The following PCDH15 variants were observed in gnomAD, a reference collection of about 807,000 sequenced individuals.
PCDH15 encodes the protein protocadherin-15.
PCDH15 carries 129 observed loss-of-function variants against 178.5 expected under a neutral mutation model. That is an observed-to-expected ratio of 0.72 (90% CI 0.63 to 0.84). The LOEUF is 0.84. Among genes scored for constraint, PCDH15 ranks in the 40% least tolerant of loss-of-function variants. The pLI is 0.00. For missense variants in PCDH15, 2,230 were observed against 2,099.9 expected (o/e 1.06, Z -1.21); for synonymous variants, 800 against 732.0 (o/e 1.09, Z -1.50).
intron 25 of PCDH15, among the ~76,000 whole-genome samples, chr10:53,931,718 A>T (rs973988008): frequency 6.6e-6 from 1 of 152,166 alleles, no homozygotes. Flanking sequence ...TTTTAAAAAA[A>T]TTGTTAATAG....
rs567898616 is a variant in PCDH15 at position 53,998,220 on chromosome 10, T to C, written c.2752-2455A>G. Among the ~76,000 whole-genome samples, 91 of 152,260 alleles carry C rather than the reference T, an allele frequency of 6.0e-4. 2 individuals carry two copies. In the South Asian group the frequency reaches 0.017, roughly 29 times the overall value. On this transcript the variant is annotated intron_variant, in intron 20 of 37. Transcript: ENST00000644397. The stretch of plus-strand genomic sequence containing the variant: ...TTAAGAATTGTATCACTAAAACCCA[T>C]AATATTTGTTTCTTTTGGTAAAAAT...
intron 13 of PCDH15, among the ~76,000 whole-genome samples, chr10:54,166,136 G>A (rs569132991): frequency 1.3e-5 from 2 of 152,078 alleles, no homozygotes; most frequent in Non-Finnish European, 2.9e-5. Context: ...CTATGCCTTT[G>A]GCCGTATCAT....
At chr10:54,585,299 T>C (rs979267899) in intron 2 of PCDH15, among the ~76,000 whole-genome samples, 2 of 152,188 alleles carry the variant, frequency 1.3e-5, no homozygotes, top group Admixed American at 6.6e-5. Context: ...AGCAATTTCC[T>C]ATGAATTACC....
chr10:54,711,123 G>T (rs1016292413), intron 1 of PCDH15, among the ~76,000 whole-genome samples: 15 of 151,984 alleles, frequency 9.9e-5, no homozygotes, highest in African/African-American at 3.6e-4. Context: ...GTAAGAGGCT[G>T]CTTGCTGTCA....
chr10:53,825,008 T>TTTTAACAGTAA (rs2076582307), intron 32 of PCDH15: 28 of 1,205,358 alleles, frequency 2.3e-5, no homozygotes, highest in Non-Finnish European at 2.9e-5. Flanking sequence ...AAAACTTTCC[T>TTTTAACAGTAA]TTTAACAGTA....
rs576891407 is a variant in PCDH15, at chr10:53,852,633, C to A, written c.3806+4542G>T. Among the ~76,000 whole-genome samples, 3 of 152,156 alleles carry A rather than the reference C, an allele frequency of 2.0e-5. No homozygotes were observed. The South Asian group carries it at 6.2e-4, about 32-fold the overall frequency. On this transcript the variant is annotated intron_variant, in intron 28 of 37. Coordinates refer to ENST00000644397, the MANE Select transcript of PCDH15 (RefSeq NM_001384140.1). Reference sequence around the variant, plus strand: ...CAAAGTGTACTGATCTTTGTAAAATCTGCTCCATTGTAAAATGGATATGTC... The same window carrying A: ...CAAAGTGTACTGATCTTTGTAAAATATGCTCCATTGTAAAATGGATATGTC...
At chr10:55,390,668 T>C (rs1837771460) in intron 2 of PCDH15, among the ~76,000 whole-genome samples, 2 of 152,188 alleles carry the variant, frequency 1.3e-5, no homozygotes, top group Non-Finnish European at 2.9e-5. Context: ...TCTAAAATAA[T>C]GAGACTTAAA....
At chr10:54,515,669 G>A (rs1280364524) in intron 3 of PCDH15, among the ~76,000 whole-genome samples, 1 of 152,216 alleles carries the variant, frequency 6.6e-6, no homozygotes, top group Non-Finnish European at 1.5e-5. Flanking sequence ...TCTGAGAATG[G>A]GCAGACTGCC....
intron 3 of PCDH15, among the ~76,000 whole-genome samples, chr10:54,454,469 TAATTAA>T (rs1404196662): frequency 6.7e-6 from 1 of 149,098 alleles, no homozygotes; most frequent in African/African-American, 2.4e-5. Context: ...TTTTAATTAA[TAATTAA>T]AATTATTAAT....
At chr10:54,496,966 C>T (rs1045000997) in intron 3 of PCDH15, among the ~76,000 whole-genome samples, 2 of 152,074 alleles carry the variant, frequency 1.3e-5, no homozygotes, top group East Asian at 1.9e-4. Context: ...TATTAACCCA[C>T]GCCTCACTGC....
At chr10:55,375,361 G>A (rs1837368907) in intron 2 of PCDH15, among the ~76,000 whole-genome samples, 2 of 151,990 alleles carry the variant, frequency 1.3e-5, no homozygotes, top group South Asian at 4.2e-4. Flanking sequence ...ATTAGTGAAG[G>A]CTGGAATATG....
chr10:54,996,878 A>G (rs1839658675), intron 2 of PCDH15, among the ~76,000 whole-genome samples: 1 of 152,186 alleles, frequency 6.6e-6, no homozygotes, highest in Admixed American at 6.5e-5. Flanking sequence ...TGGGAGCCCA[A>G]GGTAGGTGGA....
chr10:54,843,163 T>A (rs918512915), intron 3 of PCDH15, among the ~76,000 whole-genome samples: 1 of 151,916 alleles, frequency 6.6e-6, no homozygotes, highest in African/African-American at 2.4e-5. Flanking sequence ...AGCATTCTTT[T>A]CATTGTTGTT....
intron 1 of PCDH15, among the ~76,000 whole-genome samples, chr10:54,764,858 G>A (rs1231403008): frequency 6.6e-6 from 1 of 152,070 alleles, no homozygotes; most frequent in Non-Finnish European, 1.5e-5. Flanking sequence ...TGCCCTCAAA[G>A]AGCCTGGTAA....
chr10:55,216,407 A>G (rs1840703122), intron 1 of PCDH15, among the ~76,000 whole-genome samples: 2 of 151,956 alleles, frequency 1.3e-5, no homozygotes, highest in African/African-American at 4.8e-5. Context: ...ATTTACAAAT[A>G]CGGTATACAC....
intron 1 of PCDH15, among the ~76,000 whole-genome samples, chr10:54,760,530 G>A (rs763325562): frequency 2.7e-4 from 41 of 152,256 alleles, no homozygotes; most frequent in South Asian, 1.2e-3. Flanking sequence ...GAGTGCAAAT[G>A]TGGAAGTATC....
At chr10:53,976,812 G>C in intron 21 of PCDH15, among the ~76,000 whole-genome samples, 1 of 151,526 alleles carries the variant, frequency 6.6e-6, no homozygotes, top group Non-Finnish European at 1.5e-5. Context: ...AATAAACATA[G>C]AAATTAACCT....
chr10:54,092,250 T>C (rs1390123089), intron 15 of PCDH15, among the ~76,000 whole-genome samples: 1 of 152,140 alleles, frequency 6.6e-6, no homozygotes, highest in Non-Finnish European at 1.5e-5. Flanking sequence ...CTGCTGTATC[T>C]GGCTGTGTCT....
chr10:54,824,646 T>C (rs1450016722), intron 3 of PCDH15, among the ~76,000 whole-genome samples: 1 of 152,140 alleles, frequency 6.6e-6, no homozygotes, highest in African/African-American at 2.4e-5. Flanking sequence ...TCCCCTGACC[T>C]GGTAAAAATG....
Sources: gnomAD v4.1 joint callset for allele counts (sites outside exome capture counted in the v4.1 genomes callset) on GRCh38, gnomAD v4.1.1 for gene constraint, MANE v1.5 for transcripts, NCBI Gene and HGNC (gene_info 2026-07-23, HGNC 2026-07-21) for gene names.